RAD54L2: variants seen among roughly 807,000 people sequenced by gnomAD.
RAD54L2 encodes the protein helicase ARIP4.
A neutral mutation model predicts 138.4 loss-of-function variants in RAD54L2; 27 were observed. The ratio of observed to expected loss-of-function variants is 0.20; its 90% CI spans 0.14 to 0.27. The LOEUF is 0.27. Ranked by LOEUF, RAD54L2 falls within the 10% of genes least tolerant of loss-of-function variation. RAD54L2 has a pLI of 1.00. For synonymous variants in RAD54L2, 644 were observed against 723.2 expected, an observed-to-expected ratio of 0.89 and a Z score of 1.76; for missense variants, 1,396 against 1,890.2, an observed-to-expected ratio of 0.74 and a Z score of 4.85.
At chr3:51,660,368 G>T (rs1230441496) in intron 22 of RAD54L2, among the ~76,000 whole-genome samples, 2 of 151,884 alleles carry the variant, frequency 1.3e-5, no homozygotes, top group Admixed American at 1.3e-4. Context: ...GAGTGCAGTG[G>T]CTCGATCTTG....
At chr3:51,594,060 CTTTTTCTTTTTTTTT>C in intron 3 of RAD54L2, among the ~76,000 whole-genome samples, 1 of 131,414 alleles carries the variant, frequency 7.6e-6, no homozygotes, top group South Asian at 2.5e-4. Flanking sequence ...TTTCTTTTTT[CTTTTTCTTTTTTTTT>C]TTTTTTTTTT....
Position 51,663,158 on chromosome 3 carries a change from G to C in RAD54L2, c.4142G>C (p.Ser1381Thr). The change falls in exon 23 of 23, where the codon AGC (serine) becomes ACC (threonine). Residue 1381 changes from serine to threonine, a missense_variant. Coordinates refer to ENST00000684192, the MANE Select transcript of RAD54L2 (RefSeq NM_015106.4). ...CCTTCTGTGCCAGGGATACTACCCA[G>C]CTATTCACTCCCATTCTCACAGCCA... ...LNPSVPGILP[S>T]YSLPFSQPLL... 6.2e-7 allele frequency: 1 copy of C among 1,613,938 alleles called. No homozygotes were observed. The highest frequency in any genetic ancestry group is 8.5e-7 in the Non-Finnish European group (1 of 1,179,884).
intron 3 of RAD54L2, among the ~76,000 whole-genome samples, chr3:51,617,409 T>C (rs778628790): frequency 7.9e-5 from 12 of 152,240 alleles, no homozygotes; most frequent in Non-Finnish European, 8.8e-5. Flanking sequence ...GTTATTCTAG[T>C]GAGTGTCAAA....
intron 9 of RAD54L2, among the ~76,000 whole-genome samples, chr3:51,635,051 C>G (rs1022859774): frequency 2.0e-5 from 3 of 152,178 alleles, no homozygotes; most frequent in African/African-American, 7.2e-5. Context: ...GTTGCTCATT[C>G]AGGACTTTTA....
At chr3:51,563,616 A>T (rs920888012) in intron 2 of RAD54L2, among the ~76,000 whole-genome samples, 1 of 152,202 alleles carries the variant, frequency 6.6e-6, no homozygotes, top group African/African-American at 2.4e-5. Flanking sequence ...TTCATCAAAG[A>T]TCATCAGGGT....
At chr3:51,644,019 A>T in intron 16 of RAD54L2, 45 bp downstream of exon 16, 1 of 1,483,444 alleles carries the variant, frequency 6.7e-7, no homozygotes. Flanking sequence ...CTGTTCAGGC[A>T]GTTGGCCACC....
chr3:51,595,246 C>G (rs1398904289), intron 3 of RAD54L2, among the ~76,000 whole-genome samples: 1 of 152,118 alleles, frequency 6.6e-6, no homozygotes, highest in African/African-American at 2.4e-5. Flanking sequence ...AAGACATGGC[C>G]TGTAGACAGG....
chr3:51,606,477 A>G (rs1269043385), intron 3 of RAD54L2, among the ~76,000 whole-genome samples: 1 of 152,020 alleles, frequency 6.6e-6, no homozygotes, highest in East Asian at 1.9e-4. Context: ...GACATTGTGG[A>G]GTGTAGGATC....
chr3:51,582,805 C>CCGGACTG (rs1235374524), intron 2 of RAD54L2, among the ~76,000 whole-genome samples: 1 of 151,204 alleles, frequency 6.6e-6, no homozygotes, highest in Non-Finnish European at 1.5e-5. Flanking sequence ...GTCGCCCAGG[C>CCGGACTG]CGGACTGCGG....
In RAD54L2 at chr3:51,560,313, A is replaced by G. The variant is rs369415140; in HGVS notation, c.-55+18663A>G. Reference sequence around the variant, plus strand: ...CTTTTATTGAGGTTTGAAGAGCAATACTTTACTAGCATAATTTATTTTACC... The same window carrying G: ...CTTTTATTGAGGTTTGAAGAGCAATGCTTTACTAGCATAATTTATTTTACC... On this transcript the variant is annotated intron_variant, in intron 2 of 22. Coordinates refer to ENST00000684192, the MANE Select transcript of RAD54L2 (RefSeq NM_015106.4). 1.5e-3 allele frequency among the ~76,000 whole-genome samples: 227 copies of G among 151,344 alleles called. 4 individuals are homozygous for G. The South Asian group carries it at 0.046, about 31-fold the overall frequency.
intron 3 of RAD54L2, among the ~76,000 whole-genome samples, chr3:51,611,719 C>T (rs370944559): frequency 2.0e-5 from 3 of 152,020 alleles, no homozygotes; most frequent in East Asian, 1.9e-4. Context: ...CCACCACGCC[C>T]GGCTAATTTT....
intron 3 of RAD54L2, among the ~76,000 whole-genome samples, chr3:51,598,336 T>C (rs1167202944): frequency 6.6e-6 from 1 of 152,102 alleles, no homozygotes; most frequent in Admixed American, 6.6e-5. Flanking sequence ...AAGGCAGGAC[T>C]CTAAAATTCC....
At chr3:51,659,108 T>C (rs1701687899) in intron 21 of RAD54L2, among the ~76,000 whole-genome samples, 1 of 141,594 alleles carries the variant, frequency 7.1e-6, no homozygotes, top group African/African-American at 2.6e-5. Context: ...GTTTTTTTTT[T>C]TTTTTTTTTT....
In RAD54L2 at chr3:51,627,614, G is replaced by T; in HGVS notation, c.201G>T (p.Gln67His). ...CCCAGTTGGGAGAAGATGGGCAGCA[G>T]CCGCCGCGGTGCACTTCAACTACCT... ...EHAQLGEDGQ[Q>H]PPRCTSTTSS... Residue 67 changes from glutamine (Q) to histidine (H), a missense_variant, in exon 4 of 23, where the codon CAG becomes CAT. Physicochemically the swap from Gln to His is conservative, Grantham distance 24. Transcript: ENST00000684192. 1 of 1,565,524 alleles carries T rather than the reference G, an allele frequency of 6.4e-7. No homozygotes were observed. Among genetic ancestry groups the T allele is most frequent in the Non-Finnish European group, 8.7e-7 (1 of 1,155,892 alleles).
intron 2 of RAD54L2, among the ~76,000 whole-genome samples, chr3:51,573,914 G>A (rs550598819): frequency 4.9e-4 from 74 of 152,166 alleles, no homozygotes; most frequent in Non-Finnish European, 9.1e-4. Flanking sequence ...TGTTACATAT[G>A]TATACATGTG....
intron 10 of RAD54L2, among the ~76,000 whole-genome samples, chr3:51,636,088 A>G (rs1700978071): frequency 6.6e-6 from 1 of 152,188 alleles, no homozygotes. Context: ...CATTTCCTTT[A>G]CCACTTTCTA....
intron 2 of RAD54L2, among the ~76,000 whole-genome samples, chr3:51,568,065 A>G (rs1370560994): frequency 6.6e-6 from 1 of 151,910 alleles, no homozygotes; most frequent in Non-Finnish European, 1.5e-5. Context: ...ATCTTTAGTT[A>G]GTGGGAGAGA....
chr3:51,659,098 GTTTTTTTTTTTTT>G (rs1014568687), intron 21 of RAD54L2, among the ~76,000 whole-genome samples: 2 of 75,048 alleles, frequency 2.7e-5, no homozygotes, highest in Non-Finnish European at 4.9e-5. Context: ...TCCGGCTCTT[GTTTTTTTTTTTTT>G]TTTTTTTTTT....
intron 9 of RAD54L2, among the ~76,000 whole-genome samples, chr3:51,634,371 T>C (rs1039041698): frequency 7.3e-6 from 1 of 136,132 alleles, no homozygotes; most frequent in African/African-American, 3.0e-5. Context: ...TTTTTTTTTT[T>C]TTTTTTTTTT....
Sources: gnomAD v4.1 joint callset for allele counts (sites outside exome capture counted in the v4.1 genomes callset) on GRCh38, gnomAD v4.1.1 for gene constraint, MANE v1.5 for transcripts, NCBI Gene and HGNC (gene_info 2026-07-23, HGNC 2026-07-21) for gene names.